The following OSBPL10 variants were observed in gnomAD, a reference collection of about 807,000 sequenced individuals.
The protein encoded by OSBPL10 is oxysterol-binding protein-related protein 10.
A neutral mutation model predicts 81.7 loss-of-function variants in OSBPL10; 49 were observed. That is an observed-to-expected ratio of 0.60 (90% CI 0.48 to 0.76). The LOEUF is 0.76. Ranked by LOEUF, OSBPL10 falls within the 30% of genes least tolerant of loss-of-function variation. OSBPL10 has a pLI of 0.00. For missense variants in OSBPL10, 923 were observed against 987.8 expected (o/e 0.93, Z 0.88); for synonymous variants, 419 against 383.6 (o/e 1.09, Z -1.08).
rs141905813 is a variant in OSBPL10, at chr3:31,858,955, T to C, written c.537+17478A>G. ...CATCAACAGAAATGTTGTAGCAGAA[T>C]TGGGTGAATCTGTGTTATAAAAAGA... On this transcript the variant is annotated intron_variant, in intron 3 of 11. Transcript: ENST00000396556. Among the ~76,000 whole-genome samples the C allele has an allele frequency of 5.0e-3, 757 of 152,346 alleles. 3 individuals are homozygous for C. The highest frequency in any genetic ancestry group is 5.1e-3 in the Non-Finnish European group (350 of 68,032).
chr3:31,765,363 G>A (rs949963586), intron 4 of OSBPL10, among the ~76,000 whole-genome samples: 87 of 152,052 alleles, frequency 5.7e-4, no homozygotes, highest in African/African-American at 2.0e-3. Context: ...TTACTAATTT[G>A]TTAATTTCTC....
At chr3:31,708,373 A>T in intron 6 of OSBPL10, among the ~76,000 whole-genome samples, 1 of 152,342 alleles carries the variant, frequency 6.6e-6, no homozygotes, top group Admixed American at 6.5e-5. Context: ...CAATCATTAC[A>T]TAATCCTCAC....
intron 1 of OSBPL10, among the ~76,000 whole-genome samples, chr3:31,965,096 A>G (rs1698277752): frequency 6.6e-6 from 1 of 151,966 alleles, no homozygotes; most frequent in African/African-American, 2.4e-5. Flanking sequence ...CAACCCTTAA[A>G]AAATGTAGGC....
chr3:31,837,375 A>ATATATATAT (rs1700385712), intron 3 of OSBPL10, among the ~76,000 whole-genome samples: 5 of 32,258 alleles, frequency 1.5e-4, no homozygotes, highest in Admixed American at 5.2e-4. Flanking sequence ...ATATATATAT[A>ATATATATAT]GTAAGTAACA....
chr3:32,059,877 A>T (rs150474808), intron 1 of OSBPL10, among the ~76,000 whole-genome samples: 244 of 152,196 alleles, frequency 1.6e-3, no homozygotes, highest in African/African-American at 5.8e-3. Flanking sequence ...GCACCACTGC[A>T]CTCCAGCCTG....
chr3:32,038,492 T>C (rs1699541143), intron 2 of OSBPL10, among the ~76,000 whole-genome samples: 1 of 152,080 alleles, frequency 6.6e-6, no homozygotes, highest in South Asian at 2.1e-4. Context: ...CAACTAATTT[T>C]TGTATTTTTT....
intron 2 of OSBPL10, among the ~76,000 whole-genome samples, chr3:32,013,104 T>C (rs1249469848): frequency 9.2e-5 from 14 of 152,126 alleles, no homozygotes; most frequent in Non-Finnish European, 4.4e-5. Flanking sequence ...CTAATAGACA[T>C]CTACAGAACT....
chr3:31,935,327 C>A (rs1454352338), intron 1 of OSBPL10, among the ~76,000 whole-genome samples: 1 of 152,042 alleles, frequency 6.6e-6, no homozygotes, highest in Non-Finnish European at 1.5e-5. Context: ...GTTAAGGGAT[C>A]TGAGAACTGT....
chr3:31,811,183 G>A (rs1226757044), intron 4 of OSBPL10, among the ~76,000 whole-genome samples: 1 of 152,150 alleles, frequency 6.6e-6, no homozygotes, highest in Non-Finnish European at 1.5e-5. Context: ...CACTGCAGAG[G>A]GGTTGGGGTG....
At chr3:31,698,422 G>A (rs1695793468) in intron 7 of OSBPL10, among the ~76,000 whole-genome samples, 1 of 152,070 alleles carries the variant, frequency 6.6e-6, no homozygotes, top group South Asian at 2.1e-4. Flanking sequence ...TTGTACTCCA[G>A]CCTGGGTGAT....
intron 4 of OSBPL10, among the ~76,000 whole-genome samples, chr3:31,781,845 T>G (rs531938905): frequency 6.6e-6 from 1 of 152,220 alleles, no homozygotes; most frequent in East Asian, 1.9e-4. Context: ...TGTTCATAGA[T>G]GGATGGCATC....
At chr3:31,734,424 T>C (rs1283679959) in intron 5 of OSBPL10, among the ~76,000 whole-genome samples, 4 of 152,142 alleles carry the variant, frequency 2.6e-5, no homozygotes, top group African/African-American at 4.8e-5. Flanking sequence ...CTTTACCCCA[T>C]AGCAATTCTG....
intron 2 of OSBPL10, among the ~76,000 whole-genome samples, chr3:31,987,159 T>A (rs1363713108): frequency 1.3e-5 from 2 of 152,136 alleles, no homozygotes; most frequent in Non-Finnish European, 2.9e-5. Flanking sequence ...CTTCCCTTCG[T>A]CCAGACACTC....
chr3:31,921,085 G>A (rs1696898880), intron 1 of OSBPL10, among the ~76,000 whole-genome samples: 1 of 152,142 alleles, frequency 6.6e-6, no homozygotes, highest in South Asian at 2.1e-4. Flanking sequence ...ACTAGAGGAG[G>A]AATCTAGATT....
At chr3:31,750,004 A>G (rs996334403) in intron 4 of OSBPL10, among the ~76,000 whole-genome samples, 5 of 151,842 alleles carry the variant, frequency 3.3e-5, no homozygotes, top group Admixed American at 6.6e-5. Context: ...AATGTGGTGA[A>G]ACCCCATCTC....
chr3:31,781,012 A>G (rs2125769499), intron 4 of OSBPL10, among the ~76,000 whole-genome samples: 1 of 152,326 alleles, frequency 6.6e-6, no homozygotes. Flanking sequence ...TATAACACAA[A>G]AAGAAAACTA....
chr3:32,036,748 A>G (rs1054049658), intron 2 of OSBPL10, among the ~76,000 whole-genome samples: 22 of 151,576 alleles, frequency 1.5e-4, no homozygotes, highest in Non-Finnish European at 2.8e-4. Context: ...GCTTGAGCCC[A>G]GGAGTTTGAG....
intron 6 of OSBPL10, among the ~76,000 whole-genome samples, chr3:31,723,539 TACACACACACACAC>T (rs35189802): frequency 2.4e-5 from 3 of 125,036 alleles, no homozygotes; most frequent in African/African-American, 1.1e-4. Flanking sequence ...CTCTGTTTCT[TACACACACACACAC>T]ACACACACAC....
chr3:31,799,554 G>T (rs995246837), intron 4 of OSBPL10, among the ~76,000 whole-genome samples: 3 of 151,978 alleles, frequency 2.0e-5, no homozygotes, highest in Non-Finnish European at 4.4e-5. Flanking sequence ...TTGTAATAGG[G>T]CATAGCTCAT....
Sources: gnomAD v4.1 joint callset for allele counts (sites outside exome capture counted in the v4.1 genomes callset) on GRCh38, gnomAD v4.1.1 for gene constraint, MANE v1.5 for transcripts, NCBI Gene and HGNC (gene_info 2026-07-23, HGNC 2026-07-21) for gene names.